CAMTA1: variants seen among roughly 807,000 people sequenced by gnomAD.
CAMTA1 encodes the protein calmodulin binding transcription activator 1, also known as calmodulin-binding transcription activator 1.
In CAMTA1, 27 loss-of-function variants were observed where a neutral mutation model predicts 170.9. That is an observed-to-expected ratio of 0.16 (90% CI 0.12 to 0.22). CAMTA1 has a LOEUF of 0.22. Ranked by LOEUF, CAMTA1 falls within the 10% of genes least tolerant of loss-of-function variation. The probability of loss-of-function intolerance (pLI) is 1.00; values close to 1 mark genes in which losing one functional copy is unlikely to be tolerated. For synonymous variants in CAMTA1, 833 were observed against 891.5 expected (o/e 0.93, Z 1.17); for missense variants, 1,619 against 2,217.2 (o/e 0.73, Z 5.42).
At position 7,537,425 on chromosome 1, in the gene CAMTA1, C is replaced by T. The variant is rs527935317; in HGVS notation, c.510+69524C>T. On this transcript the variant is annotated intron_variant, in intron 6 of 22. Coordinates refer to ENST00000303635, the MANE Select transcript of CAMTA1 (RefSeq NM_015215.4). The stretch of plus-strand genomic sequence containing the variant: ...TCAGAGTGGGCAGGACAGAGAGGCC[C>T]CTGCCCGAGCAACAGCAGCAACACA... Among the ~76,000 whole-genome samples, 8 of 152,336 alleles carry T rather than the reference C, an allele frequency of 5.3e-5. No homozygotes were observed. In the East Asian group the frequency reaches 1.2e-3, roughly 22 times the overall value.
At chr1:6,953,729 C>A (rs1470307972) in intron 3 of CAMTA1, among the ~76,000 whole-genome samples, 2 of 152,126 alleles carry the variant, frequency 1.3e-5, no homozygotes, top group African/African-American at 4.8e-5. Context: ...CTTTTAAGGG[C>A]CTTTTAAAAA....
intron 5 of CAMTA1, among the ~76,000 whole-genome samples, chr1:7,424,798 G>C (rs1224133818): frequency 6.6e-6 from 1 of 152,130 alleles, no homozygotes; most frequent in Non-Finnish European, 1.5e-5. Context: ...AAGTTCAACA[G>C]TCTGGGCCTG....
chr1:7,314,410 G>A (rs1677186525), intron 5 of CAMTA1, among the ~76,000 whole-genome samples: 1 of 152,246 alleles, frequency 6.6e-6, no homozygotes. Flanking sequence ...TGGGATTTTG[G>A]ATGCTCTCAA....
chr1:6,810,005 A>G (rs1202848696), intron 1 of CAMTA1, among the ~76,000 whole-genome samples: 1 of 152,208 alleles, frequency 6.6e-6, no homozygotes, highest in Non-Finnish European at 1.5e-5. Flanking sequence ...CCAGTCCAAG[A>G]TGAGAAAAGA....
intron 3 of CAMTA1, among the ~76,000 whole-genome samples, chr1:6,889,060 A>G (rs1050920292): frequency 6.6e-6 from 1 of 152,264 alleles, no homozygotes; most frequent in Admixed American, 6.5e-5. Flanking sequence ...ACCAATGTCC[A>G]ATTGAACTTG....
At chr1:7,461,255 C>G (rs977279270) in intron 5 of CAMTA1, among the ~76,000 whole-genome samples, 5 of 152,256 alleles carry the variant, frequency 3.3e-5, no homozygotes, top group African/African-American at 1.2e-4. Context: ...ATACGGACTC[C>G]CCAAGTCCTC....
intron 5 of CAMTA1, among the ~76,000 whole-genome samples, chr1:7,378,069 A>G (rs1450682881): frequency 6.6e-6 from 1 of 152,206 alleles, no homozygotes; most frequent in African/African-American, 2.4e-5. Flanking sequence ...GATGTACAGA[A>G]AAGGCCTTTT....
intron 4 of CAMTA1, among the ~76,000 whole-genome samples, chr1:7,205,425 T>C (rs954119550): frequency 2.0e-5 from 3 of 152,224 alleles, no homozygotes; most frequent in Non-Finnish European, 4.4e-5. Context: ...TATTGAATGG[T>C]CTACCTTCAT....
chr1:7,718,156 A>G (rs1025455853), intron 11 of CAMTA1, among the ~76,000 whole-genome samples: 8 of 149,758 alleles, frequency 5.3e-5, no homozygotes, highest in Non-Finnish European at 8.8e-5. Context: ...GTTCACCCTT[A>G]GTTCCCTAGA....
chr1:7,409,766 A>AT (rs1263702085), intron 5 of CAMTA1, among the ~76,000 whole-genome samples: 15 of 152,150 alleles, frequency 9.9e-5, no homozygotes, highest in African/African-American at 3.6e-4. Flanking sequence ...AAATAAATTA[A>AT]TTTTTTTGTT....
At chr1:7,033,761 T>C (rs551705015) in intron 3 of CAMTA1, among the ~76,000 whole-genome samples, 21 of 152,002 alleles carry the variant, frequency 1.4e-4, no homozygotes, top group South Asian at 8.3e-4. Flanking sequence ...GTCTGGCTAA[T>C]TTTTGTATTT....
intron 6 of CAMTA1, among the ~76,000 whole-genome samples, chr1:7,505,757 G>A (rs1194683191): frequency 1.3e-5 from 2 of 152,176 alleles, no homozygotes; most frequent in Non-Finnish European, 2.9e-5. Flanking sequence ...ACAGTCCGCT[G>A]AGCAGGGTCC....
intron 3 of CAMTA1, among the ~76,000 whole-genome samples, chr1:6,850,890 A>G (rs558648388): frequency 6.6e-6 from 1 of 152,360 alleles, no homozygotes; most frequent in East Asian, 1.9e-4. Context: ...TCTTAGAGAT[A>G]GTAGCTCCTA....
At chr1:7,247,600 T>G (rs539997663) in intron 4 of CAMTA1, among the ~76,000 whole-genome samples, 2 of 152,296 alleles carry the variant, frequency 1.3e-5, no homozygotes, top group Admixed American at 6.5e-5. Context: ...TCTTCATTCT[T>G]TTTTTGGAGA....
intron 4 of CAMTA1, among the ~76,000 whole-genome samples, chr1:7,226,739 A>G (rs986405582): frequency 1.3e-5 from 2 of 152,094 alleles, no homozygotes; most frequent in African/African-American, 4.8e-5. Context: ...CCATGTTAAC[A>G]AATAGAGATA....
chr1:7,133,456 T>C lies in CAMTA1; in HGVS notation c.302+42085T>C, dbSNP rs141586811. On this transcript the variant is annotated intron_variant, in intron 4 of 22. Transcript: ENST00000303635. Reference sequence around the variant, plus strand: ...TCATCCCTTATATTAATAATTTGTGTCTTCTTTTTTTTCCCTTATCAGTTT... The same window carrying C: ...TCATCCCTTATATTAATAATTTGTGCCTTCTTTTTTTTCCCTTATCAGTTT... Among the ~76,000 whole-genome samples the C allele has an allele frequency of 5.4e-3, 816 of 152,238 alleles. 7 individuals are homozygous for C. The highest frequency in any genetic ancestry group is 0.019 in the African/African-American group (780 of 41,508).
rs1365482562 is a variant in CAMTA1, at chr1:7,189,083, T to C, written c.303-60408T>C. Among the ~76,000 whole-genome samples the C allele has an allele frequency of 3.3e-5, 5 of 152,336 alleles. 1 individual carries two copies. In the East Asian group the frequency reaches 9.6e-4, roughly 29 times the overall value. The stretch of plus-strand genomic sequence containing the variant: ...GGTAATATACAAAGCTGGTGTCTGT[T>C]CTCTATCCTGAATCCCATCCTCTCT... On this transcript the variant is annotated intron_variant, in intron 4 of 22. Coordinates refer to ENST00000303635, the MANE Select transcript of CAMTA1 (RefSeq NM_015215.4).
At chr1:7,030,346 G>C (rs534693508) in intron 3 of CAMTA1, among the ~76,000 whole-genome samples, 51 of 152,132 alleles carry the variant, frequency 3.4e-4, no homozygotes, top group Admixed American at 2.6e-4. Context: ...TGAAAATATT[G>C]GTTCCCTGAG....
At chr1:7,717,296 T>TA (rs2096617589) in intron 11 of CAMTA1, among the ~76,000 whole-genome samples, 2 of 152,190 alleles carry the variant, frequency 1.3e-5, no homozygotes, top group African/African-American at 4.8e-5. Flanking sequence ...GCTGTGTCAT[T>TA]ATTTAATGAA....
Sources: gnomAD v4.1 joint callset for allele counts (sites outside exome capture counted in the v4.1 genomes callset) on GRCh38, gnomAD v4.1.1 for gene constraint, MANE v1.5 for transcripts, NCBI Gene and HGNC (gene_info 2026-07-23, HGNC 2026-07-21) for gene names.